Variants in SLC45A2 observed in about 807,000 individuals in gnomAD.
The protein encoded by SLC45A2 is membrane-associated transporter protein.
Under a neutral mutation model 45.5 loss-of-function variants are expected in SLC45A2, and 36 were observed. The observed-to-expected ratio is 0.79, with a 90% CI of 0.61 to 1.04. The LOEUF (loss-of-function observed/expected upper bound fraction) is 1.04, where lower values mean the gene tolerates loss of function less well. SLC45A2 is among the 50% of genes least tolerant of loss of function. SLC45A2 has a pLI of 0.00. For synonymous variants in SLC45A2, 306 were observed against 269.3 expected (o/e 1.14, Z -1.33); for missense variants, 719 against 671.0 (o/e 1.07, Z -0.79).
chr5:33,946,410 A>C, intron 6 of SLC45A2: 2 of 985,526 alleles, frequency 2.0e-6, no homozygotes, highest in Non-Finnish European at 2.4e-6. Flanking sequence ...ACTTGGAGTT[A>C]TCTCTGTAGC....
chr5:33,951,924 T>G (rs1752113723), intron 4 of SLC45A2, among the ~76,000 whole-genome samples: 1 of 152,130 alleles, frequency 6.6e-6, no homozygotes, highest in South Asian at 2.1e-4. Flanking sequence ...CATTCCTCCT[T>G]CCATCTCACA....
intron 2 of SLC45A2, chr5:33,972,139 G>A (rs1752799236): frequency 1.9e-6 from 1 of 519,552 alleles, no homozygotes; most frequent in Non-Finnish European, 4.0e-6. Context: ...ATTATGCCAG[G>A]GACCATCCAC....
intron 3 of SLC45A2, 151 bp from the exon 4 acceptor site, chr5:33,954,655 G>T (rs954324904): frequency 2.6e-6 from 3 of 1,135,072 alleles, no homozygotes; most frequent in African/African-American, 3.1e-5. Flanking sequence ...TTTCCATGGA[G>T]TAGACTCACA....
rs760490483 is a variant in SLC45A2, at chr5:33,951,516, AC to A, written c.1156+37del. On this transcript the variant is annotated intron_variant, in intron 5 of 6. Transcript: ENST00000296589. ...AAATCCAAGTTGTGCTAGACCAGAA[AC>A]TTTTAGAAGACATCCTTAGGAGAGA... 2.5e-6 allele frequency: 4 copies of A among 1,613,756 alleles called. No homozygotes were observed. The South Asian group carries it at 4.4e-5, about 18-fold the overall frequency.
intron 2 of SLC45A2, chr5:33,971,083 A>T (rs1010759172): frequency 4.7e-5 from 24 of 511,574 alleles, no homozygotes; most frequent in South Asian, 3.5e-4. Context: ...TTAAAGCTGC[A>T]GATGGACCAA....
chr5:33,946,933 A>C, intron 6 of SLC45A2: 1 of 1,444,798 alleles, frequency 6.9e-7, no homozygotes, highest in Non-Finnish European at 9.0e-7. Flanking sequence ...CTTGCCCTAC[A>C]GCTCCCTAAG....
chr5:33,972,204 A>T, intron 2 of SLC45A2: 1 of 525,598 alleles, frequency 1.9e-6, no homozygotes, highest in Non-Finnish European at 3.9e-6. Context: ...TGGTTTTCCA[A>T]GGGTACTTCA....
At chr5:33,952,753 T>C (rs1019938835) in intron 4 of SLC45A2, among the ~76,000 whole-genome samples, 1 of 140,832 alleles carries the variant, frequency 7.1e-6, no homozygotes, top group African/African-American at 2.7e-5. Flanking sequence ...GCAGGTTAGT[T>C]ACATATGTAT....
intron 2 of SLC45A2, among the ~76,000 whole-genome samples, chr5:33,974,205 C>T (rs964627868): frequency 2.6e-5 from 4 of 152,154 alleles, no homozygotes; most frequent in Non-Finnish European, 5.9e-5. Context: ...TGAGAAGATG[C>T]GGGTGGACCC....
At chr5:33,953,264 C>T (rs1233606076) in intron 4 of SLC45A2, among the ~76,000 whole-genome samples, 6 of 113,244 alleles carry the variant, frequency 5.3e-5, no homozygotes, top group Non-Finnish European at 7.8e-5. Flanking sequence ...CCTGAGGAAT[C>T]ACCACACTGA....
At chr5:33,950,754 T>A (rs914729413) in intron 5 of SLC45A2, among the ~76,000 whole-genome samples, 1 of 152,322 alleles carries the variant, frequency 6.6e-6, no homozygotes, top group Admixed American at 6.5e-5. Context: ...GAGCCCTGAA[T>A]TGGGGGTCAG....
At chr5:33,945,882 T>TACA (rs1217782878) in intron 6 of SLC45A2, 7 of 848,424 alleles carry the variant, frequency 8.3e-6, no homozygotes, top group Non-Finnish European at 9.9e-6. Flanking sequence ...TTTGCTTGGT[T>TACA]TTTATTTAAA....
At chr5:33,958,218 T>C (rs912264433) in intron 3 of SLC45A2, among the ~76,000 whole-genome samples, 2 of 152,224 alleles carry the variant, frequency 1.3e-5, no homozygotes, top group Non-Finnish European at 2.9e-5. Flanking sequence ...GAATTGGAGA[T>C]AGATTTTATG....
chr5:33,984,414 G>C lies in SLC45A2; in HGVS notation c.170C>G (p.Thr57Ser), dbSNP rs775426002. 6.2e-7 allele frequency: 1 copy of C among 1,613,550 alleles called. No individual in the cohort carries two copies. Among genetic ancestry groups the C allele is most frequent in the Non-Finnish European group, 8.5e-7 (1 of 1,179,774 alleles). Residue 57 changes from threonine to serine, a missense_variant, in exon 1 of 7, where the codon ACC (threonine) becomes AGC (serine). Thr to Ser is a moderately conservative substitution (Grantham distance 58). Transcript: ENST00000296589. ...CAGACCTACGCTGAGCAGGACTGGG[G>C]TCACATACGCTGCCTCCACCGCGTA... The part of the protein sequence containing the change: ...FCYAVEAAYV[T>S]PVLLSVGLPS...
intron 2 of SLC45A2, among the ~76,000 whole-genome samples, chr5:33,969,975 C>G (rs560095713): frequency 6.6e-4 from 101 of 152,312 alleles, no homozygotes; most frequent in African/African-American, 2.3e-3. Flanking sequence ...ATTTCCAGTT[C>G]TAAGTTGTAA....
Position 33,982,251 on chromosome 5 carries a change from G to C in SLC45A2, c.547C>G (p.His183Asp), listed in dbSNP as rs939508026. ...TATTCCCTACCTGTGAAGAGGGCAT[G>C]GTAGTGGAGGCCCTTCTCCTTGTCC... ...HQDKEKGLHY[H>D]ALFTGFGGAL... is the part of the protein sequence containing the mutation. The change falls in exon 2 of 7, where the codon CAT becomes GAT. Residue 183 changes from histidine to aspartate, a missense_variant. By Grantham distance (81) the His-to-Asp change is moderately conservative. Transcript: ENST00000296589. 6.2e-7 allele frequency: 1 copy of C among 1,614,066 alleles called. No individual in the cohort carries two copies.
intron 4 of SLC45A2, among the ~76,000 whole-genome samples, chr5:33,953,593 C>T (rs1192874055): frequency 5.4e-5 from 8 of 148,576 alleles, no homozygotes; most frequent in Admixed American, 1.3e-4. Context: ...CGGTACCAGC[C>T]GCTGCAAAAT....
At chr5:33,947,998 G>A (rs770158012) in intron 5 of SLC45A2, among the ~76,000 whole-genome samples, 16 of 152,168 alleles carry the variant, frequency 1.1e-4, no homozygotes, top group Non-Finnish European at 1.8e-4. Context: ...TCTCCTCATC[G>A]CTGGCTCCCT....
At chr5:33,983,511 A>G (rs1181396426) in intron 1 of SLC45A2, among the ~76,000 whole-genome samples, 1 of 152,212 alleles carries the variant, frequency 6.6e-6, no homozygotes, top group African/African-American at 2.4e-5. Context: ...ATGATAATTG[A>G]TTATCCTGCC....
Sources: allele counts gnomAD v4.1 joint callset (sites outside exome capture counted in the v4.1 genomes callset), GRCh38; gene constraint gnomAD v4.1.1; transcripts MANE v1.5; gene names NCBI Gene and HGNC (gene_info 2026-07-23, HGNC 2026-07-21).